IGF1R: variants seen among roughly 807,000 people sequenced by gnomAD.
The protein encoded by IGF1R is insulin like growth factor 1 receptor.
IGF1R carries 44 observed loss-of-function variants against 144.6 expected under a neutral mutation model. The ratio of observed to expected loss-of-function variants is 0.30; its 90% confidence interval spans 0.24 to 0.39. The LOEUF is 0.39. Among genes scored for constraint, IGF1R ranks in the 10% least tolerant of loss-of-function variants. The pLI is 1.00. For synonymous variants in IGF1R, 795 were observed against 722.8 expected, an observed-to-expected ratio of 1.10 and a Z score of -1.60; for missense variants, 1,355 against 1,833.7, an observed-to-expected ratio of 0.74 and a Z score of 4.77.
In IGF1R at chr15:98,958,506, A is replaced by G. The variant is rs996150183; in HGVS notation, c.*1064A>G. ...TTGCAAGGAAAGAAATTCAAACACC[A>G]CAACAGCAGTAAGAAGAAAAGCAGT... On this transcript the variant is annotated 3_prime_UTR_variant, in exon 21 of 21. Transcript: ENST00000650285. The G allele has an allele frequency of 3.5e-5, 8 of 228,710 alleles. No homozygotes were observed. The highest frequency in any genetic ancestry group is 6.2e-5 in the East Asian group (1 of 16,022). The allele number at this position is 228,710 out of a possible 1,614,324, so 14.2% of individuals were successfully genotyped here. A position where few individuals can be genotyped will look rare whatever the true frequency, so the allele number is the denominator to read the frequency against.
rs2052263943 is a variant in IGF1R at position 98,648,922 on chromosome 15, T to G, written c.-660T>G. 2 of 165,076 alleles carry G rather than the reference T, an allele frequency of 1.2e-5. No individual in the cohort carries two copies. Among genetic ancestry groups the G allele is most frequent in the African/African-American group, 2.5e-5 (1 of 39,250 alleles). The allele number at this position is 165,076 out of a possible 1,614,324, so 10.2% of individuals were successfully genotyped here. A position where few individuals can be genotyped will look rare whatever the true frequency, so the allele number is the denominator to read the frequency against. ...GCAGAGCCGGGCGGCGCGGCGGGAGTGCTGAGCGCGGCGCGGCCGGCCCGC... is the reference window on the plus strand; with the variant it reads ...GCAGAGCCGGGCGGCGCGGCGGGAGGGCTGAGCGCGGCGCGGCCGGCCCGC... On this transcript the variant is annotated 5_prime_UTR_variant, in exon 1 of 21. Transcript: ENST00000650285.
chr15:98,841,642 T>C (rs2011176175), intron 2 of IGF1R, among the ~76,000 whole-genome samples: 1 of 152,206 alleles, frequency 6.6e-6, no homozygotes, highest in South Asian at 2.1e-4. Flanking sequence ...GGTTAGCAAA[T>C]ACTCTGCATG....
In IGF1R at chr15:98,664,998, T is replaced by C. The variant is rs549756366; in HGVS notation, c.94+15323T>C. ...TTTTGGATGGAATCTCGCTCTGTCG[T>C]CCAGGCTGGAGTGTGGTGGCGCAAT... On this transcript the variant is annotated intron_variant, in intron 1 of 20. Transcript: ENST00000650285. 5.6e-3 allele frequency among the ~76,000 whole-genome samples: 819 copies of C among 147,414 alleles called. 5 individuals carry two copies. Among genetic ancestry groups the C allele is most frequent in the Admixed American group, 9.2e-3 (135 of 14,660 alleles).
intron 1 of IGF1R, among the ~76,000 whole-genome samples, chr15:98,691,662 C>T (rs1426840255): frequency 6.6e-6 from 1 of 152,056 alleles, no homozygotes; most frequent in East Asian, 1.9e-4. Flanking sequence ...CCTGCCCGGC[C>T]CATGGTTTTC....
chr15:98,690,826 G>A (rs984839829), intron 1 of IGF1R, among the ~76,000 whole-genome samples: 5 of 152,228 alleles, frequency 3.3e-5, no homozygotes, highest in East Asian at 1.9e-4. Context: ...AACTGGGGGC[G>A]GCAGGGTGGG....
intron 2 of IGF1R, among the ~76,000 whole-genome samples, chr15:98,888,436 A>AGT (rs1213205397): frequency 1.1e-3 from 18 of 16,730 alleles, no homozygotes; most frequent in African/African-American, 1.2e-3. Flanking sequence ...AGAGAGAGAG[A>AGT]GAGTGTGTGT....
chr15:98,806,589 C>G (rs1418237759), intron 2 of IGF1R, among the ~76,000 whole-genome samples: 2 of 152,052 alleles, frequency 1.3e-5, no homozygotes, highest in Admixed American at 1.3e-4. Context: ...TAGGTGTTAC[C>G]AGGACGCCTA....
At chr15:98,740,669 A>G (rs1199935109) in intron 2 of IGF1R, among the ~76,000 whole-genome samples, 1 of 152,184 alleles carries the variant, frequency 6.6e-6, no homozygotes, top group African/African-American at 2.4e-5. Flanking sequence ...TAGGGCACAG[A>G]TTTGGTTAGT....
In IGF1R at chr15:98,948,716, C is replaced by G; in HGVS notation, c.3722+8C>G. 1.9e-6 allele frequency: 3 copies of G among 1,614,014 alleles called. No homozygotes were observed. The highest frequency in any genetic ancestry group is 2.5e-6 in the Non-Finnish European group (3 of 1,179,938). ...CAACTGTCCTGACATGCTGTACGTA[C>G]TTCCTGGGCCCTCCGTGCTCTTCTG... is the stretch of plus-strand genomic sequence containing the variant. On this transcript the variant is annotated splice_region_variant and intron_variant, in intron 20 of 20. Coordinates refer to ENST00000650285, the MANE Select transcript of IGF1R (RefSeq NM_000875.5).
At chr15:98,886,334 G>A (rs2013639538) in intron 2 of IGF1R, among the ~76,000 whole-genome samples, 1 of 152,172 alleles carries the variant, frequency 6.6e-6, no homozygotes, top group South Asian at 2.1e-4. Context: ...TAAGTGCAGT[G>A]CCTCGTTTTT....
intron 2 of IGF1R, among the ~76,000 whole-genome samples, chr15:98,805,340 A>G (rs1376356027): frequency 2.0e-5 from 3 of 151,966 alleles, no homozygotes; most frequent in African/African-American, 4.8e-5. Flanking sequence ...GAAACATTTT[A>G]CATTTCTCAT....
At chr15:98,896,204 G>A (rs1450762857) in intron 3 of IGF1R, among the ~76,000 whole-genome samples, 1 of 152,194 alleles carries the variant, frequency 6.6e-6, no homozygotes, top group Non-Finnish European at 1.5e-5. Context: ...GCTTTAGCAA[G>A]AAAATAATGG....
chr15:98,886,069 C>T (rs112993543), intron 2 of IGF1R, among the ~76,000 whole-genome samples: 2,688 of 152,246 alleles, frequency 0.018, 82 homozygotes, highest in African/African-American at 0.062. Flanking sequence ...CTGCCCGCCT[C>T]GGCCTCCCAA....
intron 5 of IGF1R, among the ~76,000 whole-genome samples, chr15:98,907,871 G>T (rs1326424652): frequency 6.6e-6 from 1 of 152,214 alleles, no homozygotes; most frequent in Admixed American, 6.5e-5. Context: ...CTCCTAGATT[G>T]CTGGTTCTCC....
intron 2 of IGF1R, among the ~76,000 whole-genome samples, chr15:98,848,658 A>G (rs769455034): frequency 2.2e-4 from 34 of 152,168 alleles, no homozygotes; most frequent in Admixed American, 7.2e-4. Context: ...CCAACTCAGA[A>G]TGTATTGCTT....
intron 2 of IGF1R, among the ~76,000 whole-genome samples, chr15:98,881,402 C>A (rs537823513): frequency 6.6e-6 from 1 of 152,360 alleles, no homozygotes; most frequent in African/African-American, 2.4e-5. Context: ...CTCACTGCAA[C>A]CTCCGCCTCC....
intron 2 of IGF1R, among the ~76,000 whole-genome samples, chr15:98,746,875 C>G (rs1014862821): frequency 6.6e-6 from 1 of 152,122 alleles, no homozygotes; most frequent in Non-Finnish European, 1.5e-5. Context: ...TGAATGGTGT[C>G]AGTAATTTCA....
At chr15:98,919,971 T>A (rs1274793543) in intron 10 of IGF1R, among the ~76,000 whole-genome samples, 1 of 152,258 alleles carries the variant, frequency 6.6e-6, no homozygotes, top group African/African-American at 2.4e-5. Context: ...GAATATCCTG[T>A]ATGTTTTGAA....
intron 2 of IGF1R, among the ~76,000 whole-genome samples, chr15:98,842,421 A>G (rs529046037): frequency 6.6e-6 from 1 of 152,326 alleles, no homozygotes; most frequent in East Asian, 1.9e-4. Flanking sequence ...GTTTATAAAA[A>G]CAAAGTTTTG....
Sources: allele counts gnomAD v4.1 joint callset (sites outside exome capture counted in the v4.1 genomes callset), GRCh38; gene constraint gnomAD v4.1.1; transcripts MANE v1.5; gene names NCBI Gene and HGNC (gene_info 2026-07-23, HGNC 2026-07-21).